Variants in PAK3 observed in about 807,000 individuals in gnomAD.
PAK3 encodes the protein p21 (RAC1) activated kinase 3, also known as serine/threonine-protein kinase PAK 3.
A neutral mutation model predicts 41.0 loss-of-function variants in PAK3; 4 were observed. The ratio of observed to expected loss-of-function variants is 0.10; its 90% CI spans 0.05 to 0.22. The LOEUF (loss-of-function observed/expected upper bound fraction) is 0.22, where lower values mean the gene tolerates loss of function less well. PAK3 is among the 10% of genes least tolerant of loss of function. PAK3 has a pLI of 1.00. For missense variants in PAK3, 205 were observed against 409.9 expected (o/e 0.50, Z 4.32); for synonymous variants, 146 against 139.6 (o/e 1.05, Z -0.32).
At chrX:111,075,930 T>A (rs759901675) in intron 1 of PAK3, among the ~76,000 whole-genome samples, 22 of 112,718 alleles carry the variant, frequency 2.0e-4, no homozygotes, top group African/African-American at 6.8e-4. Flanking sequence ...TTTTGGAGCT[T>A]TAAGATTTAG....
chrX:111,012,008 T>C (rs1409807157), intron 1 of PAK3, among the ~76,000 whole-genome samples: 1 of 111,856 alleles, frequency 8.9e-6, no homozygotes, highest in Non-Finnish European at 1.9e-5. Context: ...GTTTAGAACA[T>C]TGTAGTCATT....
intron 1 of PAK3, among the ~76,000 whole-genome samples, chrX:111,007,758 T>C (rs1369533127): frequency 9.0e-6 from 1 of 111,714 alleles, no homozygotes; most frequent in Non-Finnish European, 1.9e-5. Context: ...ATGCATTGAA[T>C]TAGAGGCTAT....
intron 1 of PAK3, among the ~76,000 whole-genome samples, chrX:111,041,481 C>G (rs767877699): frequency 9.8e-5 from 11 of 112,123 alleles, no homozygotes; most frequent in Admixed American, 1.9e-4. Flanking sequence ...CTGTGCCACC[C>G]CTCTGCCCAA....
At chrX:111,113,106 T>C (rs1331063078) in intron 4 of PAK3, among the ~76,000 whole-genome samples, 2 of 111,523 alleles carry the variant, frequency 1.8e-5, no homozygotes, top group Non-Finnish European at 3.8e-5. Flanking sequence ...TAATACCTTA[T>C]GCCAACCTAG....
intron 1 of PAK3, among the ~76,000 whole-genome samples, chrX:111,023,849 T>C (rs1159967492): frequency 8.9e-6 from 1 of 112,103 alleles, no homozygotes; most frequent in Admixed American, 9.5e-5. Context: ...AGGTTGCCTG[T>C]TCACTCTGAT....
chrX:110,989,836 AG>A, intron 1 of PAK3, among the ~76,000 whole-genome samples: 1 of 111,311 alleles, frequency 9.0e-6, no homozygotes, highest in Middle Eastern at 4.6e-3. Flanking sequence ...CTCTGTGTAG[AG>A]GACAGCTTTC....
intron 1 of PAK3, among the ~76,000 whole-genome samples, chrX:111,085,973 A>G (rs1279046183): frequency 9.0e-6 from 1 of 111,199 alleles, no homozygotes; most frequent in East Asian, 2.8e-4. Flanking sequence ...GAACACAATA[A>G]AACTAATTTC....
At chrX:111,083,938 T>C (rs2092857479) in intron 1 of PAK3, among the ~76,000 whole-genome samples, 1 of 112,820 alleles carries the variant, frequency 8.9e-6, no homozygotes, top group Non-Finnish European at 1.9e-5. Flanking sequence ...AGAGTGGTGA[T>C]CGTGGCCTTG....
intron 1 of PAK3, among the ~76,000 whole-genome samples, chrX:111,037,700 G>T (rs1384841053): frequency 9.0e-6 from 1 of 111,296 alleles, no homozygotes; most frequent in African/African-American, 3.3e-5. Flanking sequence ...CTCTCCCCAA[G>T]AACCATGTAT....
upstream of PAK3, among the ~76,000 whole-genome samples, chrX:111,094,783 G>C (rs189957563): frequency 1.1e-3 from 116 of 105,683 alleles, no homozygotes; most frequent in Admixed American, 2.1e-3. Context: ...CCACCTCCTG[G>C]GTTCAAGTGA....
At position 111,223,441 on chromosome X, in the gene PAK3, C is replaced by T. The variant is rs899164008; in HGVS notation, c.*2994C>T. On this transcript the variant is annotated 3_prime_UTR_variant, in exon 18 of 18. Coordinates refer to ENST00000372007, the MANE Select transcript of PAK3 (RefSeq NM_002578.5). Reference sequence around the variant, plus strand: ...GTAATGACTTCGTTCTTGCTGATCTCGTGTGTGTGTCATTGTAAATATTTG... The same window carrying T: ...GTAATGACTTCGTTCTTGCTGATCTTGTGTGTGTGTCATTGTAAATATTTG... 16 of 107,306 alleles carry T rather than the reference C, an allele frequency of 1.5e-4. No homozygotes were observed. Among genetic ancestry groups the T allele is most frequent in the African/African-American group, 5.1e-4 (15 of 29,482 alleles). The allele number at this position is 107,306 out of a possible 1,213,427, so 8.8% of individuals were successfully genotyped here. A position where few individuals can be genotyped will look rare whatever the true frequency, so the allele number is the denominator to read the frequency against.
At chrX:111,085,768 C>T (rs1230026785) in intron 1 of PAK3, among the ~76,000 whole-genome samples, 2 of 111,618 alleles carry the variant, frequency 1.8e-5, no homozygotes, top group Non-Finnish European at 3.8e-5. Context: ...TTGCCCACTC[C>T]AGAAAGGTTC....
rs975493369 is a variant in PAK3 at position 110,992,007 on chromosome X, A to G, written c.-28+47379A>G. On this transcript the variant is annotated intron_variant, in intron 1 of 14. Coordinates refer to the PAK3 transcript ENST00000425146. Reference sequence around the variant, plus strand: ...TATGTGATATTAAGTACTATGGAAAATATCTTCAGATGGGGTGATAAGGAG... The same window carrying G: ...TATGTGATATTAAGTACTATGGAAAGTATCTTCAGATGGGGTGATAAGGAG... Among the ~76,000 whole-genome samples, 20 of 111,707 alleles carry G rather than the reference A, an allele frequency of 1.8e-4. 1 individual carries two copies. The highest frequency in any genetic ancestry group is 6.5e-4 in the African/African-American group (20 of 30,691).
chrX:110,975,640 G>A lies in PAK3; in HGVS notation c.-28+31012G>A, dbSNP rs1024373479. ...AGTTCATATGGAACCAAAAGAGAGC[G>A]TATGTTGCCAACACAATTCTAGGCA... is the stretch of plus-strand genomic sequence containing the variant. On this transcript the variant is annotated intron_variant, in intron 1 of 14. Transcript: ENST00000425146. Among the ~76,000 whole-genome samples, 9 of 111,680 alleles carry A rather than the reference G, an allele frequency of 8.1e-5. No homozygotes were observed. The South Asian group carries it at 1.5e-3, about 19-fold the overall frequency.
chrX:111,167,048 T>TA (rs774476640), intron 10 of PAK3, among the ~76,000 whole-genome samples: 1 of 111,770 alleles, frequency 8.9e-6, no homozygotes, highest in Non-Finnish European at 1.9e-5. Context: ...CTAAATAAGT[T>TA]AAAGTATATA....
At chrX:111,157,222 G>T in intron 8 of PAK3, among the ~76,000 whole-genome samples, 1 of 111,712 alleles carries the variant, frequency 9.0e-6, no homozygotes, top group Middle Eastern at 4.6e-3. Flanking sequence ...ATCACCAAAA[G>T]TGGCCCCCAA....
At chrX:111,119,569 C>T (rs188194012) in intron 4 of PAK3, among the ~76,000 whole-genome samples, 66 of 111,586 alleles carry the variant, frequency 5.9e-4, no homozygotes, top group African/African-American at 1.8e-3. Context: ...AGCCTACAGC[C>T]GCCCAAAATA....
intron 1 of PAK3, among the ~76,000 whole-genome samples, chrX:111,075,883 G>A (rs1020622467): frequency 4.4e-5 from 5 of 112,807 alleles, no homozygotes; most frequent in African/African-American, 1.6e-4. Context: ...TCATACCAGT[G>A]TGCCCTGGCT....
intron 1 of PAK3, among the ~76,000 whole-genome samples, chrX:110,985,603 C>T (rs895409415): frequency 1.1e-4 from 12 of 112,062 alleles, no homozygotes; most frequent in African/African-American, 3.9e-4. Flanking sequence ...ATGAGATGGC[C>T]AGAAAATGCA....
Sources: allele counts gnomAD v4.1 joint callset (sites outside exome capture counted in the v4.1 genomes callset), GRCh38; gene constraint gnomAD v4.1.1; transcripts MANE v1.5; gene names NCBI Gene and HGNC (gene_info 2026-07-23, HGNC 2026-07-21).